Variants in CSMD1 observed in about 807,000 individuals in gnomAD.
The protein encoded by CSMD1 is CUB and Sushi multiple domains 1.
A neutral mutation model predicts 417.5 loss-of-function variants in CSMD1; 213 were observed. That is an observed-to-expected ratio of 0.51 (90% CI 0.46 to 0.57). The LOEUF (loss-of-function observed/expected upper bound fraction) is 0.57. CSMD1 is among the 20% of genes least tolerant of loss of function. The probability of loss-of-function intolerance (pLI) is 0.00; values close to 1 mark genes in which losing one functional copy is unlikely to be tolerated. For missense variants in CSMD1, 6,923 were observed against 4,529.7 expected (o/e 1.53, Z -15.17); for synonymous variants, 2,862 against 1,736.8 (o/e 1.65, Z -16.11).
At chr8:3,212,851 G>C (rs1425439683) in intron 30 of CSMD1, among the ~76,000 whole-genome samples, 2 of 132,784 alleles carry the variant, frequency 1.5e-5, no homozygotes, top group African/African-American at 5.6e-5. Flanking sequence ...TTTTTTGAGA[G>C]AGAGTTTCAC....
chr8:3,819,379 T>C (rs568157268), intron 5 of CSMD1, among the ~76,000 whole-genome samples: 1 of 152,248 alleles, frequency 6.6e-6, no homozygotes, highest in African/African-American at 2.4e-5. Context: ...ACCCTCTTTG[T>C]TTTGCTCCAG....
chr8:3,219,575 T>C (rs1238415611), intron 28 of CSMD1, 133 bp from the exon 29 acceptor site: 15 of 582,148 alleles, frequency 2.6e-5, no homozygotes, highest in Non-Finnish European at 4.3e-5. Flanking sequence ...AATCAAAAAG[T>C]TAAATGTAGT....
chr8:4,271,979 T>C (rs1001226507), intron 3 of CSMD1, among the ~76,000 whole-genome samples: 4 of 152,140 alleles, frequency 2.6e-5, no homozygotes, highest in Non-Finnish European at 5.9e-5. Flanking sequence ...CCTCCCTATA[T>C]AGATGGATTT....
chr8:4,976,162 G>A (rs757571207), intron 1 of CSMD1, among the ~76,000 whole-genome samples: 1 of 152,180 alleles, frequency 6.6e-6, no homozygotes, highest in Non-Finnish European at 1.5e-5. Flanking sequence ...CCTAGAGGGA[G>A]CAGAGAGACA....
At chr8:4,514,236 G>A (rs534569256) in intron 2 of CSMD1, among the ~76,000 whole-genome samples, 1 of 152,102 alleles carries the variant, frequency 6.6e-6, no homozygotes, top group Admixed American at 6.5e-5. Flanking sequence ...TTCCTCTGGT[G>A]TCTGTGCTTC....
chr8:3,849,305 G>C (rs1364894347), intron 5 of CSMD1, among the ~76,000 whole-genome samples: 1 of 152,116 alleles, frequency 6.6e-6, no homozygotes, highest in Non-Finnish European at 1.5e-5. Context: ...AGGGCGGACT[G>C]GGAAGGAAGT....
At chr8:3,782,515 AG>A (rs1386416825) in intron 5 of CSMD1, among the ~76,000 whole-genome samples, 4 of 152,182 alleles carry the variant, frequency 2.6e-5, no homozygotes, top group Admixed American at 6.5e-5. Flanking sequence ...AGGCTGGGGG[AG>A]GGATAGCATG....
chr8:3,179,681 T>C (rs1441043147), intron 37 of CSMD1, among the ~76,000 whole-genome samples: 7 of 152,196 alleles, frequency 4.6e-5, no homozygotes, highest in Non-Finnish European at 7.3e-5. Context: ...AGAGCATTCA[T>C]CAATACTAAC....
At chr8:3,421,210 G>A (rs1813467517) in intron 12 of CSMD1, among the ~76,000 whole-genome samples, 1 of 152,140 alleles carries the variant, frequency 6.6e-6, no homozygotes, top group Non-Finnish European at 1.5e-5. Context: ...AAGTCTGGAG[G>A]AAAATGCAGA....
At position 3,864,695 on chromosome 8, in the gene CSMD1, C is replaced by A. The variant is rs577986483; in HGVS notation, c.819-110653G>T. On this transcript the variant is annotated intron_variant, in intron 5 of 69. Coordinates refer to ENST00000635120, the MANE Select transcript of CSMD1 (RefSeq NM_033225.6). ...ACTTTCGACTGATGAAGGTGCCCTA[C>A]TGGGAGGTTGGAACATTATGGTAAT... Among the ~76,000 whole-genome samples, 144 of 152,206 alleles carry A rather than the reference C, an allele frequency of 9.5e-4. 1 individual carries two copies. The highest frequency in any genetic ancestry group is 1.8e-3 in the Non-Finnish European group (123 of 68,026).
chr8:4,239,325 G>A (rs1227158268), intron 3 of CSMD1, among the ~76,000 whole-genome samples: 7 of 152,190 alleles, frequency 4.6e-5, no homozygotes, highest in African/African-American at 1.7e-4. Context: ...CTAAGGAGAA[G>A]ATTCCTCTGC....
chr8:4,567,998 T>A (rs1217292255), intron 2 of CSMD1, among the ~76,000 whole-genome samples: 4 of 152,220 alleles, frequency 2.6e-5, no homozygotes, highest in Non-Finnish European at 4.4e-5. Flanking sequence ...ATCAGTGATT[T>A]TCACAGGGCT....
chr8:4,662,809 C>G (rs909645098), intron 1 of CSMD1, among the ~76,000 whole-genome samples: 1 of 152,114 alleles, frequency 6.6e-6, no homozygotes, highest in Admixed American at 6.6e-5. Flanking sequence ...AGGTGACAAA[C>G]GAGTGCCCAC....
chr8:3,975,827 C>T (rs2554712), intron 5 of CSMD1, among the ~76,000 whole-genome samples: 89,182 of 151,988 alleles, frequency 0.59, 26,870 homozygotes, highest in East Asian at 0.74. Context: ...CAAATACATT[C>T]TTCATATAAA....
rs572287837 is a variant in CSMD1, at chr8:3,620,822, T to C, written c.1010-4025A>G. 5.3e-5 allele frequency among the ~76,000 whole-genome samples: 8 copies of C among 152,306 alleles called. No individual in the cohort carries two copies. The East Asian group carries it at 1.5e-3, about 29-fold the overall frequency. ...GTAAAAGTCAGAGCTACCCTTTAAA[T>C]AATTATTTTAAATATAAATTGATTT... On this transcript the variant is annotated intron_variant, in intron 7 of 69. Coordinates refer to ENST00000635120, the MANE Select transcript of CSMD1 (RefSeq NM_033225.6).
chr8:4,423,877 A>T (rs1414257982), intron 2 of CSMD1, among the ~76,000 whole-genome samples: 1 of 152,136 alleles, frequency 6.6e-6, no homozygotes, highest in Non-Finnish European at 1.5e-5. Flanking sequence ...ATAAACCCGT[A>T]TGTCAATGGA....
intron 41 of CSMD1, among the ~76,000 whole-genome samples, chr8:3,119,807 G>C (rs1283626992): frequency 6.6e-6 from 1 of 152,124 alleles, no homozygotes; most frequent in Non-Finnish European, 1.5e-5. Context: ...CACCAGTTCT[G>C]GGGGAACCTC....
intron 2 of CSMD1, among the ~76,000 whole-genome samples, chr8:4,591,309 G>A (rs143980236): frequency 1.3e-3 from 201 of 152,364 alleles, no homozygotes; most frequent in Non-Finnish European, 2.2e-3. Context: ...AGAGGAAGAA[G>A]TGAGTAATTC....
At chr8:3,080,373 C>A (rs1281198796) in intron 49 of CSMD1, among the ~76,000 whole-genome samples, 2 of 152,216 alleles carry the variant, frequency 1.3e-5, no homozygotes, top group African/African-American at 2.4e-5. Flanking sequence ...GACAGAAGAT[C>A]TGCCTGGCTT....
Sources: allele counts gnomAD v4.1 joint callset (sites outside exome capture counted in the v4.1 genomes callset), GRCh38; gene constraint gnomAD v4.1.1; transcripts MANE v1.5; gene names NCBI Gene and HGNC (gene_info 2026-07-23, HGNC 2026-07-21).